The following TRPM5 variants were observed in gnomAD, a reference collection of about 807,000 sequenced individuals.
The protein encoded by TRPM5 is MLSN1 and TRP-related.
Under a neutral mutation model 124.9 loss-of-function variants are expected in TRPM5, and 121 were observed. The observed-to-expected ratio is 0.97, with a 90% confidence interval of 0.84 to 1.13. TRPM5 has a LOEUF of 1.13. Ranked by LOEUF, TRPM5 falls within the 50% of genes most tolerant of loss-of-function variation. TRPM5 has a pLI of 0.00. For synonymous variants in TRPM5, 781 were observed against 700.5 expected (o/e 1.11, Z -1.81); for missense variants, 1,643 against 1,589.1 (o/e 1.03, Z -0.58).
At chr11:2,410,893 C>G (rs1433011934) in intron 18 of TRPM5, among the ~76,000 whole-genome samples, 1 of 152,170 alleles carries the variant, frequency 6.6e-6, no homozygotes, top group Admixed American at 6.5e-5. Context: ...CAAGCAGGGC[C>G]CTGTGGGAGG....
intron 12 of TRPM5, 52 bp downstream of exon 17, chr11:2,414,009 G>GGGGCCCCCCCCCCCCCCCCCCCCCCCC: frequency 3.9e-6 from 4 of 1,023,722 alleles, no homozygotes; most frequent in Non-Finnish European, 5.7e-6. Flanking sequence ...GGCCCAGCTC[G>GGGGCCCCCCCCCCCCCCCCCCCCCCCC]CCCGCCCACC....
upstream of TRPM5, among the ~76,000 whole-genome samples, chr11:2,424,446 G>A (rs1198108436): frequency 6.6e-6 from 1 of 152,260 alleles, no homozygotes. Context: ...CTGGGAATGT[G>A]ACCTTTGGAA....
At position 2,422,911 on chromosome 11, in the gene TRPM5, T is replaced by C. The variant is rs746463449; in HGVS notation, c.117+9A>G. 2.5e-6 allele frequency: 4 copies of C among 1,610,952 alleles called. No individual in the cohort carries two copies. The South Asian group carries it at 4.4e-5, about 18-fold the overall frequency. On this transcript the variant is annotated intron_variant, in intron 1 of 23. Coordinates refer to ENST00000155858, the Ensembl canonical transcript of TRPM5. ...CGGACATCACCTGAGGCCTGGGGCCTGCCCTTACCTTGCCTCGCTTCTTCC... is the reference window on the plus strand; with the variant it reads ...CGGACATCACCTGAGGCCTGGGGCCCGCCCTTACCTTGCCTCGCTTCTTCC...
At chr11:2,433,610 G>T in the TRPM5 span, among the ~76,000 whole-genome samples, 1 of 152,226 alleles carries the variant, frequency 6.6e-6, no homozygotes, top group Non-Finnish European at 1.5e-5. Context: ...TGGAAATGGG[G>T]ATCATGAGAA....
the TRPM5 span, among the ~76,000 whole-genome samples, chr11:2,430,862 G>A: frequency 7.8e-4 from 117 of 149,612 alleles, 1 homozygote; most frequent in African/African-American, 2.6e-3. Flanking sequence ...TGATGGAGGT[G>A]GTGTTGGTGG....
upstream of TRPM5, among the ~76,000 whole-genome samples, chr11:2,424,955 G>T (rs959296059): frequency 6.6e-6 from 1 of 152,184 alleles, no homozygotes; most frequent in African/African-American, 2.4e-5. Context: ...AGCACCACGT[G>T]GGCCTCAGCT....
chr11:2,422,234 C>A, exon 2 of TRPM5: 1 of 1,612,540 alleles, frequency 6.2e-7, no homozygotes, highest in Non-Finnish European at 8.5e-7. Context: ...ACCAGGGACA[C>A]CACCAGGTTG....
chr11:2,415,093 C>G (rs1193508488), intron 9 of TRPM5, 28 bp downstream of exon 14: 14 of 1,583,222 alleles, frequency 8.8e-6, no homozygotes, highest in Non-Finnish European at 1.1e-5. Context: ...CCAGCCTCGC[C>G]CTCCATCCCC....
intron 22 of TRPM5, 98 bp downstream of exon 27, chr11:2,405,921 A>G (rs1850311132): frequency 1.7e-6 from 2 of 1,159,618 alleles, no homozygotes; most frequent in African/African-American, 1.5e-5. Context: ...GGCCTGCCTC[A>G]TCTCTGTGAG....
Position 2,414,140 on chromosome 11 carries a change from C to T in TRPM5, c.1811G>A (p.Arg604His), listed in dbSNP as rs768526088. The T allele has an allele frequency of 4.0e-5, 65 of 1,607,202 alleles. No homozygotes were observed. The highest frequency in any genetic ancestry group is 9.0e-5 in the East Asian group (4 of 44,658). Residue 604 changes from arginine to histidine, a missense_variant, in exon 12 of 24, where the codon CGC becomes CAC. Arg to His is a conservative substitution (Grantham distance 29, BLOSUM62 0). Coordinates refer to ENST00000155858, the Ensembl canonical transcript of TRPM5. The stretch of plus-strand genomic sequence containing the variant: ...CAGGCAGGTGGTCTTGCTCCAGCAG[C>T]GGTTCCGGCGCACCAGCAGGGCGAA...
chr11:2,429,047 T>C, the TRPM5 span, among the ~76,000 whole-genome samples: 87 of 151,504 alleles, frequency 5.7e-4, 1 homozygote, highest in African/African-American at 2.1e-3. This position sits in a 1 kb window ranked among gnomAD's most constrained non-coding sequence, Gnocchi z 8.4. Flanking sequence ...ATAGTGTTGG[T>C]ACTGGTGGTG....
upstream of TRPM5, among the ~76,000 whole-genome samples, chr11:2,426,738 C>A (rs1845843477): frequency 6.6e-6 from 1 of 152,192 alleles, no homozygotes. Context: ...CCTGGGCCTG[C>A]CTCATTTGTG....
intron 7 of TRPM5, among the ~76,000 whole-genome samples, chr11:2,416,399 C>T (rs1021002387): frequency 6.6e-6 from 1 of 152,184 alleles, no homozygotes; most frequent in Non-Finnish European, 1.5e-5. Flanking sequence ...CCTCCACGGG[C>T]AAGGGCATTT....
exon 9 of TRPM5, chr11:2,415,298 C>A: frequency 6.3e-7 from 1 of 1,579,970 alleles, no homozygotes; most frequent in East Asian, 2.3e-5. Flanking sequence ...CCTCCTGCTT[C>A]CGCTGCAGCA....
intron 21 of TRPM5, 108 bp downstream of exon 26, chr11:2,406,553 C>T (rs1179814003): frequency 2.8e-6 from 4 of 1,425,004 alleles, no homozygotes; most frequent in Non-Finnish European, 3.8e-6. Context: ...TGCCCCTACC[C>T]CTTCAGCTTC....
intron 4 of TRPM5, 78 bp from the exon 10 acceptor site, chr11:2,418,669 A>T: frequency 6.9e-7 from 1 of 1,446,678 alleles, no homozygotes; most frequent in African/African-American, 1.4e-5. Context: ...TCAGGCCACC[A>T]CATTTTCTGG....
intron 18 of TRPM5, 50 bp downstream of exon 23, chr11:2,411,302 A>C (rs1403460038): frequency 6.7e-7 from 1 of 1,493,486 alleles, no homozygotes; most frequent in African/African-American, 1.4e-5. Context: ...GCTTGTGCAC[A>C]CAGGGCTCCA....
At chr11:2,418,063 G>A (rs999001572) in intron 6 of TRPM5, 104 bp downstream of exon 11, 1 of 1,150,160 alleles carries the variant, frequency 8.7e-7, no homozygotes, top group Non-Finnish European at 1.2e-6. Flanking sequence ...AGCAGCCTGA[G>A]GTGGGAGGAG....
At chr11:2,433,881 T>A in the TRPM5 span, among the ~76,000 whole-genome samples, 3 of 152,044 alleles carry the variant, frequency 2.0e-5, no homozygotes, top group African/African-American at 7.2e-5. Flanking sequence ...TGTGGGTGTG[T>A]CTGTGTGACA....
Sources: gnomAD v4.1 joint callset for allele counts (sites outside exome capture counted in the v4.1 genomes callset) on GRCh38, gnomAD v4.1.1 for gene constraint, Gnocchi (gnomAD v3.1) non-coding constraint, MANE v1.5 for transcripts, NCBI Gene and HGNC (gene_info 2026-07-23, HGNC 2026-07-21) for gene names.